The following RPH3A variants were observed in gnomAD, a reference collection of about 807,000 sequenced individuals.
The protein encoded by RPH3A is rabphilin-3A.
In RPH3A, 48 loss-of-function variants were observed where a neutral mutation model predicts 102.2. The ratio of observed to expected loss-of-function variants is 0.47; its 90% CI spans 0.37 to 0.60. RPH3A has a LOEUF of 0.60. RPH3A is among the 20% of genes least tolerant of loss of function. The pLI, the probability that RPH3A is intolerant of heterozygous loss-of-function variation, is 0.00. For synonymous variants in RPH3A, 310 were observed against 324.3 expected, an observed-to-expected ratio of 0.96 and a Z score of 0.47; for missense variants, 781 against 910.1, an observed-to-expected ratio of 0.86 and a Z score of 1.83.
At chr12:112,707,453 G>A (rs2040433756) in intron 1 of RPH3A, among the ~76,000 whole-genome samples, 1 of 152,224 alleles carries the variant, frequency 6.6e-6, no homozygotes, top group South Asian at 2.1e-4. Flanking sequence ...TAGGAAGATT[G>A]CCTCACTTCT....
chr12:112,587,729 G>A (rs1045271534), intron 1 of RPH3A, among the ~76,000 whole-genome samples: 2 of 152,082 alleles, frequency 1.3e-5, no homozygotes, highest in Non-Finnish European at 2.9e-5. Flanking sequence ...TGAGAGTAGA[G>A]ACTTTGTCTT....
chr12:112,870,310 CAAA>C (rs377457634), intron 10 of RPH3A, among the ~76,000 whole-genome samples: 9 of 105,592 alleles, frequency 8.5e-5, no homozygotes, highest in Admixed American at 2.8e-4. Context: ...CTCCCCGCCT[CAAA>C]AAAAAAAAAA....
At chr12:112,610,028 A>T (rs531233744) in intron 1 of RPH3A, among the ~76,000 whole-genome samples, 23 of 152,134 alleles carry the variant, frequency 1.5e-4, no homozygotes, top group African/African-American at 4.8e-4. Flanking sequence ...GAGTGATCTG[A>T]CCGTGCCCTG....
intron 1 of RPH3A, among the ~76,000 whole-genome samples, chr12:112,645,966 T>C (rs1367246443): frequency 6.6e-6 from 1 of 152,194 alleles, no homozygotes; most frequent in Admixed American, 6.5e-5. Flanking sequence ...ATTTTCATAT[T>C]GTTTTGAGCT....
chr12:112,596,336 C>T (rs985293477), intron 1 of RPH3A, among the ~76,000 whole-genome samples: 3 of 152,088 alleles, frequency 2.0e-5, no homozygotes, highest in Admixed American at 1.3e-4. Flanking sequence ...GAGATTGGGT[C>T]TCATGATGTT....
chr12:112,878,118 T>C (rs2042840027), intron 13 of RPH3A, among the ~76,000 whole-genome samples: 1 of 152,178 alleles, frequency 6.6e-6, no homozygotes, highest in East Asian at 1.9e-4. Flanking sequence ...TGCACTCCCA[T>C]GGATCATGGG....
At chr12:112,780,541 A>AC (rs1213768497) in intron 1 of RPH3A, among the ~76,000 whole-genome samples, 1 of 152,214 alleles carries the variant, frequency 6.6e-6, no homozygotes, top group Non-Finnish European at 1.5e-5. Context: ...AGAAAGGAGT[A>AC]TTTCTTCCAG....
chr12:112,689,668 C>T (rs1228479872), intron 1 of RPH3A, among the ~76,000 whole-genome samples: 10 of 152,174 alleles, frequency 6.6e-5, no homozygotes, highest in African/African-American at 2.2e-4. Context: ...AAACAAATGA[C>T]GCTTGAACAC....
chr12:112,879,266 G>C lies in RPH3A; in HGVS notation c.1251+68G>C. Reference sequence around the variant, plus strand: ...GGCATGGCTAGGAGACTCAGATGGGGATGGATGACCAGGCCTGTCTCCTGT... The same window carrying C: ...GGCATGGCTAGGAGACTCAGATGGGCATGGATGACCAGGCCTGTCTCCTGT... On this transcript the variant is annotated intron_variant, in intron 14 of 21. Transcript: ENST00000389385. 3 of 1,313,850 alleles carry C rather than the reference G, an allele frequency of 2.3e-6. No individual in the cohort carries two copies. In the Admixed American group the frequency reaches 5.4e-5, roughly 24 times the overall value. The allele number at this position is 1,313,850 out of a possible 1,614,324, so 81.4% of individuals were successfully genotyped here.
intron 1 of RPH3A, among the ~76,000 whole-genome samples, chr12:112,620,922 C>T (rs79915138): frequency 1.3e-4 from 20 of 152,298 alleles, no homozygotes; most frequent in East Asian, 9.6e-4. Flanking sequence ...TGCCATCACC[C>T]GGGGCCAACT....
At chr12:112,660,919 G>A (rs532167582) in intron 1 of RPH3A, among the ~76,000 whole-genome samples, 1 of 152,244 alleles carries the variant, frequency 6.6e-6, no homozygotes, top group East Asian at 1.9e-4. Context: ...GGGCAGTAGA[G>A]CCTCAGGAGA....
chr12:112,873,573 G>A (rs1036808900), intron 10 of RPH3A, among the ~76,000 whole-genome samples: 11 of 152,130 alleles, frequency 7.2e-5, no homozygotes, highest in Non-Finnish European at 1.2e-4. Context: ...CTCTTGGAGC[G>A]GCTTATTCTA....
intron 4 of RPH3A, among the ~76,000 whole-genome samples, chr12:112,847,424 C>T (rs1161227846): frequency 1.3e-5 from 2 of 152,170 alleles, no homozygotes; most frequent in Non-Finnish European, 2.9e-5. Context: ...GTCTACTGTT[C>T]TGGAATCTTT....
At chr12:112,834,468 G>C (rs2042018449) in intron 3 of RPH3A, among the ~76,000 whole-genome samples, 1 of 152,216 alleles carries the variant, frequency 6.6e-6, no homozygotes, top group Non-Finnish European at 1.5e-5. Context: ...CCTAAGAGTG[G>C]AGTGTTTCAG....
chr12:112,629,577 A>G (rs961427650), intron 1 of RPH3A, among the ~76,000 whole-genome samples: 5 of 150,908 alleles, frequency 3.3e-5, no homozygotes, highest in Non-Finnish European at 7.4e-5. Context: ...CCTGGGCTCA[A>G]GCAATCCTCC....
intron 8 of RPH3A, chr12:112,868,839 C>T (rs184559369): frequency 4.6e-6 from 2 of 439,280 alleles, no homozygotes; most frequent in East Asian, 6.7e-5. Flanking sequence ...TCCCTGGTGG[C>T]ATATCTAGTG....
At chr12:112,665,950 C>A (rs879569947) in intron 1 of RPH3A, among the ~76,000 whole-genome samples, 1 of 152,180 alleles carries the variant, frequency 6.6e-6, no homozygotes, top group Admixed American at 6.5e-5. Context: ...CCATGTACAG[C>A]CTTTGAGGCA....
chr12:112,583,340 C>A (rs2039413750), intron 1 of RPH3A, among the ~76,000 whole-genome samples: 1 of 152,180 alleles, frequency 6.6e-6, no homozygotes, highest in South Asian at 2.1e-4. Flanking sequence ...GACGAGGAAA[C>A]TGAGGCACAG....
At chr12:112,826,766 A>C (rs2136149807) in intron 2 of RPH3A, among the ~76,000 whole-genome samples, 1 of 152,350 alleles carries the variant, frequency 6.6e-6, no homozygotes, top group South Asian at 2.1e-4. Context: ...GCGCTGTATC[A>C]GAAGCTTGTC....
Sources: gnomAD v4.1 joint callset for allele counts (sites outside exome capture counted in the v4.1 genomes callset) on GRCh38, gnomAD v4.1.1 for gene constraint, MANE v1.5 for transcripts, NCBI Gene and HGNC (gene_info 2026-07-23, HGNC 2026-07-21) for gene names.